Variants in SMCHD1 observed in about 807,000 individuals in gnomAD.
SMCHD1 encodes structural maintenance of chromosomes flexible hinge domain containing 1, also known as structural maintenance of chromosomes flexible hinge domain-containing protein 1.
In SMCHD1, 78 loss-of-function variants were observed where a neutral mutation model predicts 254.7. The ratio of observed to expected loss-of-function variants is 0.31; its 90% confidence interval spans 0.26 to 0.37. The LOEUF is 0.37. Among genes scored for constraint, SMCHD1 ranks in the 10% least tolerant of loss-of-function variants. SMCHD1 has a pLI of 1.00. For synonymous variants in SMCHD1, 766 were observed against 794.9 expected, an observed-to-expected ratio of 0.96 and a Z score of 0.61; for missense variants, 1,840 against 2,408.1, an observed-to-expected ratio of 0.76 and a Z score of 4.94.
chr18:2,673,877 C>A, intron 4 of SMCHD1, 138 bp from the exon 5 acceptor site: 1 of 810,946 alleles, frequency 1.2e-6, no homozygotes, highest in Non-Finnish European at 1.9e-6. Context: ...AAGTGCCTTT[C>A]AGAAAATTGT....
At chr18:2,772,153 T>C in intron 40 of SMCHD1, 97 bp from the exon 41 acceptor site, 1 of 1,025,342 alleles carries the variant, frequency 9.8e-7, no homozygotes, top group Non-Finnish European at 1.3e-6. Flanking sequence ...TTATATTCTT[T>C]AGTTATCTAA....
At chr18:2,794,070 T>C (rs2076217891) in intron 45 of SMCHD1, among the ~76,000 whole-genome samples, 1 of 152,194 alleles carries the variant, frequency 6.6e-6, no homozygotes, top group Admixed American at 6.5e-5. Context: ...TAGAGTCTTA[T>C]CCAGATGCTA....
chr18:2,671,949 G>T (rs1387190858), intron 3 of SMCHD1, among the ~76,000 whole-genome samples: 1 of 151,998 alleles, frequency 6.6e-6, no homozygotes, highest in African/African-American at 2.4e-5. Context: ...CTTAACTGTT[G>T]TACCTGTGTG....
chr18:2,677,019 C>T (rs554640029), intron 5 of SMCHD1, among the ~76,000 whole-genome samples: 20 of 152,162 alleles, frequency 1.3e-4, no homozygotes, highest in African/African-American at 4.1e-4. Context: ...GTTTCCCTAG[C>T]TTTTGTGTTT....
intron 7 of SMCHD1, chr18:2,691,965 G>A (rs2074189110): frequency 6.6e-6 from 1 of 152,276 alleles, no homozygotes; most frequent in Admixed American, 6.5e-5. Context: ...TGATCTTTCA[G>A]TGCCTTGTGT....
At chr18:2,677,528 C>T (rs965488047) in intron 5 of SMCHD1, among the ~76,000 whole-genome samples, 3 of 152,166 alleles carry the variant, frequency 2.0e-5, no homozygotes, top group African/African-American at 7.2e-5. Flanking sequence ...CAACCATCAC[C>T]ACTAATTCCA....
chr18:2,717,176 A>G (rs979444309), intron 17 of SMCHD1, among the ~76,000 whole-genome samples: 3 of 152,072 alleles, frequency 2.0e-5, no homozygotes, highest in Non-Finnish European at 4.4e-5. Context: ...TGGGTGGAGC[A>G]CTTCCCACTG....
intron 25 of SMCHD1, among the ~76,000 whole-genome samples, chr18:2,734,220 GC>G (rs1352718547): frequency 2.0e-5 from 3 of 152,108 alleles, no homozygotes; most frequent in Non-Finnish European, 4.4e-5. Context: ...ATCTCTATAA[GC>G]AGATTTGAAG....
At chr18:2,767,018 G>A (rs1815024972) in intron 37 of SMCHD1, among the ~76,000 whole-genome samples, 2 of 152,154 alleles carry the variant, frequency 1.3e-5, no homozygotes, top group Non-Finnish European at 2.9e-5. Context: ...TTAACACTTT[G>A]GGAGGCCAAG....
intron 45 of SMCHD1, among the ~76,000 whole-genome samples, chr18:2,789,548 C>G (rs2076287833): frequency 6.6e-6 from 1 of 151,914 alleles, no homozygotes. Flanking sequence ...TTTCTTGTTT[C>G]CTATACAGAC....
At position 2,656,003 on chromosome 18, in the gene SMCHD1, C is replaced by T; in HGVS notation, c.-73C>T. 8.2e-7 allele frequency: 1 copy of T among 1,213,554 alleles called. No homozygotes were observed. Among genetic ancestry groups the T allele is most frequent in the Non-Finnish European group, 1.0e-6 (1 of 966,896 alleles). The allele number at this position is 1,213,554 out of a possible 1,614,324, so 75.2% of individuals were successfully genotyped here. ...GCCCCGGGAGCTGGAGCTGAAGGCG[C>T]CGCGCGGAGCGCGCACCTCAGCCCT... is the stretch of plus-strand genomic sequence containing the variant. On this transcript the variant is annotated 5_prime_UTR_variant, in exon 1 of 48. Coordinates refer to ENST00000320876, the MANE Select transcript of SMCHD1 (RefSeq NM_015295.3).
At position 2,685,351 on chromosome 18, in the gene SMCHD1, G is replaced by A. The variant is rs570177963; in HGVS notation, c.639-3043G>A. Among the ~76,000 whole-genome samples the A allele has an allele frequency of 2.3e-3, 353 of 151,906 alleles. 1 individual carries two copies. The highest frequency in any genetic ancestry group is 7.3e-3 in the African/African-American group (302 of 41,478). On this transcript the variant is annotated intron_variant, in intron 5 of 47. Transcript: ENST00000320876. ...CCTGACCTCGTGATCCGCCCACCTC[G>A]GCCTCCCAAAGTGCTGGGATTACAG...
intron 5 of SMCHD1, among the ~76,000 whole-genome samples, chr18:2,674,490 T>A (rs1445833144): frequency 6.6e-6 from 1 of 152,164 alleles, no homozygotes. Flanking sequence ...ATTTGCAAAA[T>A]GTCTAAAATT....
chr18:2,693,328 T>C (rs1356004335), intron 7 of SMCHD1, among the ~76,000 whole-genome samples: 1 of 152,228 alleles, frequency 6.6e-6, no homozygotes, highest in Non-Finnish European at 1.5e-5. Flanking sequence ...ATTTTGTTGC[T>C]ATGTGAACAT....
intron 25 of SMCHD1, 94 bp from the exon 26 acceptor site, chr18:2,738,303 A>G: frequency 8.6e-7 from 1 of 1,164,134 alleles, no homozygotes; most frequent in Non-Finnish European, 1.2e-6. Context: ...GGTGAAGAAG[A>G]CGGATTATAA....
chr18:2,715,741 C>G (rs2074783991), intron 17 of SMCHD1, among the ~76,000 whole-genome samples: 1 of 152,044 alleles, frequency 6.6e-6, no homozygotes, highest in Admixed American at 6.6e-5. Flanking sequence ...CCTGTAGTCC[C>G]AGCAACTTAG....
At chr18:2,689,063 C>T (rs1198569731) in intron 7 of SMCHD1, among the ~76,000 whole-genome samples, 7 of 151,846 alleles carry the variant, frequency 4.6e-5, no homozygotes, top group Non-Finnish European at 1.0e-4. Context: ...AATTGGACCT[C>T]TAGAGAAATA....
Position 2,708,907 on chromosome 18 carries a change from T to TATATATATATATATATATAAA in SMCHD1, c.2260+988_2260+989insTATATATATATATATATAAAA, listed in dbSNP as rs769432583. On this transcript the variant is annotated intron_variant, in intron 17 of 47. Transcript: ENST00000320876. ...ATATATATATATATATATATATATA[T>TATATATATATATATATATAAA]AACATATTAACATGAAATTTATGAA... Among the ~76,000 whole-genome samples the TATATATATATATATATATAAA allele has an allele frequency of 1.5e-3, 66 of 44,686 alleles. 10 individuals are homozygous for TATATATATATATATATATAAA. The highest frequency in any genetic ancestry group is 5.3e-3 in the African/African-American group (63 of 11,880). 29.3% of individuals were successfully genotyped at this position (44,686 alleles called of 152,430 possible).
chr18:2,658,679 A>G (rs1247492762), intron 1 of SMCHD1, among the ~76,000 whole-genome samples: 1 of 152,146 alleles, frequency 6.6e-6, no homozygotes, highest in Non-Finnish European at 1.5e-5. Context: ...CTCGGATCCC[A>G]TAACTTTGTC....
Sources: allele counts gnomAD v4.1 joint callset (sites outside exome capture counted in the v4.1 genomes callset), GRCh38; gene constraint gnomAD v4.1.1; transcripts MANE v1.5; gene names NCBI Gene and HGNC (gene_info 2026-07-23, HGNC 2026-07-21).